The following UNC5D variants were observed in gnomAD, a reference collection of about 807,000 sequenced individuals.
UNC5D encodes netrin receptor UNC5D.
UNC5D carries 39 observed loss-of-function variants against 105.4 expected under a neutral mutation model. The ratio of observed to expected loss-of-function variants is 0.37; its 90% confidence interval spans 0.29 to 0.48. UNC5D has a LOEUF of 0.48. UNC5D is among the 20% of genes least tolerant of loss of function. UNC5D has a pLI of 0.98. For synonymous variants in UNC5D, 452 were observed against 450.4 expected (o/e 1.00, Z -0.04); for missense variants, 991 against 1,202.4 (o/e 0.82, Z 2.60).
intron 1 of UNC5D, among the ~76,000 whole-genome samples, chr8:35,242,954 G>A (rs1407973827): frequency 1.3e-5 from 2 of 152,122 alleles, no homozygotes; most frequent in East Asian, 1.9e-4. Flanking sequence ...GAGAGAAGGG[G>A]AAGTCAAATG....
intron 4 of UNC5D, among the ~76,000 whole-genome samples, chr8:35,657,052 G>A (rs1202288932): frequency 2.7e-4 from 22 of 80,900 alleles, no homozygotes; most frequent in African/African-American, 1.4e-3. Context: ...TGGAGTGTGT[G>A]TGTGTGTGTG....
At chr8:35,421,037 C>G (rs1805865744) in intron 1 of UNC5D, among the ~76,000 whole-genome samples, 1 of 152,098 alleles carries the variant, frequency 6.6e-6, no homozygotes, top group Admixed American at 6.5e-5. Flanking sequence ...TTCATAGCTT[C>G]TATTGAATCC....
intron 1 of UNC5D, among the ~76,000 whole-genome samples, chr8:35,541,344 CTTAAT>C (rs897607431): frequency 1.3e-5 from 2 of 152,160 alleles, no homozygotes; most frequent in African/African-American, 4.8e-5. Flanking sequence ...TTAGTCTAAA[CTTAAT>C]TTAACAGACC....
chr8:35,613,707 G>A (rs1820843655), intron 4 of UNC5D, among the ~76,000 whole-genome samples: 1 of 152,096 alleles, frequency 6.6e-6, no homozygotes. Context: ...ATATTAGCCA[G>A]GCATGGTGGT....
chr8:35,348,660 T>C (rs1413094369), intron 1 of UNC5D, among the ~76,000 whole-genome samples: 1 of 151,746 alleles, frequency 6.6e-6, no homozygotes, highest in Non-Finnish European at 1.5e-5. Context: ...ATTCCCAAAA[T>C]GGAGTGGATA....
intron 1 of UNC5D, among the ~76,000 whole-genome samples, chr8:35,365,686 T>C (rs1186409679): frequency 3.4e-5 from 5 of 149,072 alleles, no homozygotes; most frequent in African/African-American, 1.2e-4. Context: ...AGATGGCAGG[T>C]ATAATTTCTG....
At chr8:35,735,146 G>A (rs1425322015) in intron 11 of UNC5D, among the ~76,000 whole-genome samples, 1 of 152,136 alleles carries the variant, frequency 6.6e-6, no homozygotes, top group Non-Finnish European at 1.5e-5. Flanking sequence ...TCATTTCAGA[G>A]ATTCTTTTCA....
At chr8:35,617,818 A>G (rs2131012997) in intron 4 of UNC5D, among the ~76,000 whole-genome samples, 1 of 152,360 alleles carries the variant, frequency 6.6e-6, no homozygotes, top group African/African-American at 2.4e-5. Flanking sequence ...ATTTTGATTT[A>G]AATATAACTG....
intron 1 of UNC5D, among the ~76,000 whole-genome samples, chr8:35,250,027 T>C (rs1563249765): frequency 6.6e-6 from 1 of 151,364 alleles, no homozygotes; most frequent in Non-Finnish European, 1.5e-5. Context: ...GGGCATTTAC[T>C]TTTTTTTGTT....
chr8:35,306,448 A>C (rs183610721), intron 1 of UNC5D, among the ~76,000 whole-genome samples: 1 of 152,158 alleles, frequency 6.6e-6, no homozygotes, highest in East Asian at 1.9e-4. Context: ...AACATGTTAA[A>C]ATTTTTCTGT....
Position 35,536,183 on chromosome 8 carries a change from C to A in UNC5D, c.104-13109C>A, listed in dbSNP as rs546957974. Among the ~76,000 whole-genome samples, 22 of 152,318 alleles carry A rather than the reference C, an allele frequency of 1.4e-4. No homozygotes were observed. The South Asian group carries it at 2.3e-3, about 16-fold the overall frequency. ...CAAGAGGATAAGGAAATTAAGCCCC[C>A]TCTGTTGTACAAGTTTCACATCCCA... On this transcript the variant is annotated intron_variant, in intron 1 of 16. Transcript: ENST00000404895.
At chr8:35,378,285 T>G (rs1046171641) in intron 1 of UNC5D, among the ~76,000 whole-genome samples, 1 of 152,182 alleles carries the variant, frequency 6.6e-6, no homozygotes, top group Non-Finnish European at 1.5e-5. Context: ...AATTTTCTCT[T>G]ATGATTCATT....
chr8:35,772,758 C>T (rs558080368), intron 15 of UNC5D, among the ~76,000 whole-genome samples: 13 of 150,950 alleles, frequency 8.6e-5, no homozygotes, highest in African/African-American at 2.9e-4. Flanking sequence ...AGACTGAAAC[C>T]AAAGTGTTGG....
chr8:35,481,314 T>C (rs1257472878), intron 1 of UNC5D, among the ~76,000 whole-genome samples: 1 of 152,054 alleles, frequency 6.6e-6, no homozygotes, highest in Non-Finnish European at 1.5e-5. Context: ...ATTAGTGCAA[T>C]ATAAAATGAC....
chr8:35,333,346 A>G (rs1810774348), intron 1 of UNC5D, among the ~76,000 whole-genome samples: 1 of 152,142 alleles, frequency 6.6e-6, no homozygotes, highest in Non-Finnish European at 1.5e-5. Flanking sequence ...AAGAAATTAT[A>G]TATAAGCTTT....
chr8:35,753,491 G>T (rs193184944), intron 13 of UNC5D, among the ~76,000 whole-genome samples: 6 of 152,008 alleles, frequency 3.9e-5, no homozygotes, highest in Non-Finnish European at 7.4e-5. Context: ...GAATGGTCTC[G>T]ATCCGCCCAC....
At chr8:35,743,785 A>G (rs1258523720) in intron 11 of UNC5D, among the ~76,000 whole-genome samples, 2 of 152,054 alleles carry the variant, frequency 1.3e-5, no homozygotes, top group African/African-American at 2.4e-5. Context: ...ATATATGTGC[A>G]TATGTGTATT....
intron 1 of UNC5D, among the ~76,000 whole-genome samples, chr8:35,337,668 G>A (rs1317072853): frequency 6.6e-6 from 1 of 151,774 alleles, no homozygotes; most frequent in Non-Finnish European, 1.5e-5. Flanking sequence ...TTTCTCTCAA[G>A]CAAACTCAAC....
intron 8 of UNC5D, among the ~76,000 whole-genome samples, chr8:35,708,582 G>A (rs925408804): frequency 5.3e-5 from 8 of 152,164 alleles, no homozygotes; most frequent in Non-Finnish European, 1.0e-4. Flanking sequence ...CTGAAAAATG[G>A]TTGCCTTGAG....
Sources: allele counts gnomAD v4.1 joint callset (sites outside exome capture counted in the v4.1 genomes callset), GRCh38; gene constraint gnomAD v4.1.1; transcripts MANE v1.5; gene names NCBI Gene and HGNC (gene_info 2026-07-23, HGNC 2026-07-21).